The following FANCL variants were observed in gnomAD, a reference collection of about 807,000 sequenced individuals.
The protein encoded by FANCL is E3 ubiquitin-protein ligase FANCL.
In FANCL, 69 loss-of-function variants were observed where a neutral mutation model predicts 59.4. That is an observed-to-expected ratio of 1.16 (90% CI 0.96 to 1.42). FANCL has a LOEUF of 1.42. FANCL is among the 40% of genes most tolerant of loss of function. FANCL has a pLI of 0.00. For synonymous variants in FANCL, 180 were observed against 147.1 expected, an observed-to-expected ratio of 1.22 and a Z score of -1.62; for missense variants, 519 against 447.2, an observed-to-expected ratio of 1.16 and a Z score of -1.45.
chr2:58,241,143 G>GC lies in FANCL; in HGVS notation c.96+74dup, dbSNP rs1694505435. Reference sequence around the variant, plus strand: ...ACAAGTCTGGGCCCCTAACCTCCTAGCCCGTCACAGACTTCTCCGCGCAGC... The same window carrying GC: ...ACAAGTCTGGGCCCCTAACCTCCTAGCCCCGTCACAGACTTCTCCGCGCAGC... On this transcript the variant is annotated intron_variant, in intron 1 of 13. Transcript: ENST00000233741. The GC allele has an allele frequency of 2.0e-6, 3 of 1,504,618 alleles. No individual in the cohort carries two copies. In the Admixed American group the frequency reaches 5.2e-5, roughly 26 times the overall value. 93.2% of individuals were successfully genotyped at this position (1,504,618 alleles called of 1,614,324 possible). A position where few individuals can be genotyped will look rare whatever the true frequency, so the allele number is the denominator to read the frequency against.
At chr2:58,216,901 A>G (rs1691776723) in intron 5 of FANCL, among the ~76,000 whole-genome samples, 1 of 151,620 alleles carries the variant, frequency 6.6e-6, no homozygotes, top group East Asian at 1.9e-4. Context: ...ATCCTTCATG[A>G]TTCCTGACCC....
chr2:58,179,311 T>C (rs1014124984), intron 7 of FANCL, among the ~76,000 whole-genome samples: 1 of 152,212 alleles, frequency 6.6e-6, no homozygotes, highest in South Asian at 2.1e-4. Context: ...GCTGGAAGCA[T>C]CATGCTACCT....
At chr2:58,169,463 A>G (rs1012005864) in intron 7 of FANCL, among the ~76,000 whole-genome samples, 13 of 152,220 alleles carry the variant, frequency 8.5e-5, no homozygotes, top group African/African-American at 2.7e-4. Context: ...TCGCACAAAA[A>G]GGAGGAAAAT....
At chr2:58,203,432 G>A (rs760090192) in intron 6 of FANCL, among the ~76,000 whole-genome samples, 10 of 151,612 alleles carry the variant, frequency 6.6e-5, no homozygotes, top group Non-Finnish European at 1.0e-4. Flanking sequence ...TGGACATCCT[G>A]GTTTTCTTCA....
intron 5 of FANCL, among the ~76,000 whole-genome samples, chr2:58,215,693 C>T (rs1361504248): frequency 7.1e-6 from 1 of 141,186 alleles, no homozygotes; most frequent in Non-Finnish European, 1.5e-5. Flanking sequence ...TTGAGAGCTG[C>T]TATTAAGTGG....
chr2:58,202,386 CT>C (rs140355274), intron 6 of FANCL, among the ~76,000 whole-genome samples: 37 of 149,160 alleles, frequency 2.5e-4, no homozygotes, highest in Non-Finnish European at 4.6e-4. Flanking sequence ...CTTTTTTTTC[CT>C]AAAAAAAAAA....
chr2:58,178,734 C>G lies in FANCL; in HGVS notation c.541-12860G>C, dbSNP rs180924541. 7.2e-5 allele frequency among the ~76,000 whole-genome samples: 11 copies of G among 152,240 alleles called. No individual in the cohort carries two copies. In the East Asian group the frequency reaches 1.5e-3, roughly 21 times the overall value. Reference sequence around the variant, plus strand: ...ACTGTATTGGAAGTTCTAGCCAGGGCAATCAGGCAAGAGAAAGAAATAAAA... The same window carrying G: ...ACTGTATTGGAAGTTCTAGCCAGGGGAATCAGGCAAGAGAAAGAAATAAAA... On this transcript the variant is annotated intron_variant, in intron 7 of 13. Coordinates refer to ENST00000233741, the MANE Select transcript of FANCL (RefSeq NM_018062.4).
rs577797259 is a variant in FANCL at position 58,173,507 on chromosome 2, C to T, written c.541-7633G>A. On this transcript the variant is annotated intron_variant, in intron 7 of 13. Transcript: ENST00000233741. ...CAACATTCTTAAAGAAAAGAATTTT[C>T]AACCCAGAATTTCATATCCAGCCAA... 2.0e-5 allele frequency among the ~76,000 whole-genome samples: 3 copies of T among 152,244 alleles called. No individual in the cohort carries two copies. The South Asian group carries it at 6.2e-4, about 32-fold the overall frequency.
chr2:58,168,758 T>C (rs950052911), intron 7 of FANCL, among the ~76,000 whole-genome samples: 6 of 151,948 alleles, frequency 3.9e-5, no homozygotes, highest in African/African-American at 1.5e-4. Context: ...TCAAGCTTGG[T>C]GGGGGAAGGG....
chr2:58,236,150 C>A (rs377144813), intron 1 of FANCL, among the ~76,000 whole-genome samples: 1 of 150,866 alleles, frequency 6.6e-6, no homozygotes, highest in South Asian at 2.1e-4. Context: ...ACAGACCTTA[C>A]GGAGGAAAAA....
chr2:58,232,168 G>C (rs952265439), intron 1 of FANCL, 56 bp from the exon 2 acceptor site: 1 of 1,371,028 alleles, frequency 7.3e-7, no homozygotes, highest in Admixed American at 1.7e-5. Flanking sequence ...TTAATGCTGA[G>C]AAGTTAAACA....
At chr2:58,160,044 T>G in intron 13 of FANCL, 64 bp downstream of exon 13, 5 of 1,605,466 alleles carry the variant, frequency 3.1e-6, no homozygotes, top group Non-Finnish European at 4.3e-6. Flanking sequence ...TATAGATCTA[T>G]CTTCTAGAAC....
At chr2:58,235,771 G>A (rs1273063620) in intron 1 of FANCL, among the ~76,000 whole-genome samples, 6 of 151,908 alleles carry the variant, frequency 3.9e-5, no homozygotes, top group Admixed American at 3.3e-4. Context: ...AGAAGGTAAA[G>A]GAAAACATGA....
At chr2:58,217,164 T>TA (rs1270404259) in intron 5 of FANCL, among the ~76,000 whole-genome samples, 30 of 54,168 alleles carry the variant, frequency 5.5e-4, no homozygotes, top group Admixed American at 1.4e-3. Flanking sequence ...TATTTATATA[T>TA]TTTATATATA....
At chr2:58,220,984 G>A (rs932327742) in intron 5 of FANCL, among the ~76,000 whole-genome samples, 8 of 151,626 alleles carry the variant, frequency 5.3e-5, no homozygotes, top group East Asian at 1.9e-4. Flanking sequence ...AGGCTGAGGC[G>A]GGCGGATCAC....
chr2:58,210,231 T>C (rs1033814300), intron 5 of FANCL, among the ~76,000 whole-genome samples: 1 of 152,178 alleles, frequency 6.6e-6, no homozygotes, highest in Admixed American at 6.5e-5. Flanking sequence ...AAAGGCTTAA[T>C]TGGACTCACA....
At chr2:58,217,166 TTATATATATATATATATATATATA>T (rs1158149205) in intron 5 of FANCL, among the ~76,000 whole-genome samples, 1 of 47,354 alleles carries the variant, frequency 2.1e-5, no homozygotes, top group Non-Finnish European at 3.9e-5. Context: ...TTTATATATT[TTATATATATATATATATATATATA>T]TATATATATA....
intron 7 of FANCL, among the ~76,000 whole-genome samples, chr2:58,193,210 T>C (rs1291071167): frequency 3.3e-5 from 5 of 152,014 alleles, no homozygotes; most frequent in African/African-American, 9.7e-5. Context: ...TAAGAATTAT[T>C]TGGAATAACA....
chr2:58,195,504 A>G (rs997634950), intron 7 of FANCL, among the ~76,000 whole-genome samples: 28 of 152,302 alleles, frequency 1.8e-4, no homozygotes, highest in African/African-American at 6.7e-4. Flanking sequence ...CTATAGCAGA[A>G]TATCTTTTCA....
Sources: gnomAD v4.1 joint callset for allele counts (sites outside exome capture counted in the v4.1 genomes callset) on GRCh38, gnomAD v4.1.1 for gene constraint, MANE v1.5 for transcripts, NCBI Gene and HGNC (gene_info 2026-07-23, HGNC 2026-07-21) for gene names.